The following SULF2 variants were observed in gnomAD, a reference collection of about 807,000 sequenced individuals.
The protein encoded by SULF2 is sulfatase 2.
A neutral mutation model predicts 107.7 loss-of-function variants in SULF2; 52 were observed. The ratio of observed to expected loss-of-function variants is 0.48; its 90% CI spans 0.39 to 0.61. The LOEUF (loss-of-function observed/expected upper bound fraction) is 0.61, where lower values mean the gene tolerates loss of function less well. SULF2 is among the 20% of genes least tolerant of loss of function. SULF2 has a pLI of 0.00. For missense variants in SULF2, 993 were observed against 1,177.3 expected, an observed-to-expected ratio of 0.84 and a Z score of 2.29; for synonymous variants, 460 against 464.3, an observed-to-expected ratio of 0.99 and a Z score of 0.12.
At chr20:47,670,687 GCGGGGTGGGAGAA>G (rs2087435908) in intron 11 of SULF2, among the ~76,000 whole-genome samples, 10 of 47,482 alleles carry the variant, frequency 2.1e-4, no homozygotes, top group Non-Finnish European at 2.8e-4. Flanking sequence ...GGGTGGGAGA[GCGGGGTGGGAGAA>G]CGGGGTGGGG....
intron 2 of SULF2, among the ~76,000 whole-genome samples, chr20:47,746,982 TAAAAA>T (rs61191776): frequency 0.016 from 1,926 of 121,122 alleles, 18 homozygotes; most frequent in South Asian, 0.024. Flanking sequence ...CTTAAATAAA[TAAAAA>T]AAAAAAAATA....
intron 3 of SULF2, among the ~76,000 whole-genome samples, chr20:47,716,373 C>T (rs533402173): frequency 6.6e-5 from 10 of 152,034 alleles, no homozygotes; most frequent in Non-Finnish European, 8.8e-5. Context: ...GGTGTGGTGG[C>T]GGGCGCCTGT....
intron 4 of SULF2, among the ~76,000 whole-genome samples, chr20:47,698,908 G>A (rs1568830172): frequency 6.6e-6 from 1 of 152,120 alleles, no homozygotes; most frequent in Non-Finnish European, 1.5e-5. Context: ...GTGCATGCCT[G>A]TAATCCCAGC....
At chr20:47,786,319 G>A (rs779638641), upstream of SULF2, 2 of 152,192 alleles carry the variant, frequency 1.3e-5, no homozygotes, top group African/African-American at 2.4e-5. Flanking sequence ...GGAGCCAAAT[G>A]TTCCGCGGGG....
intron 3 of SULF2, among the ~76,000 whole-genome samples, chr20:47,727,778 G>A (rs975610002): frequency 2.6e-5 from 4 of 152,192 alleles, no homozygotes; most frequent in East Asian, 1.9e-4. Context: ...AGAGACTGAC[G>A]CCCAGAGGGG....
intron 10 of SULF2, among the ~76,000 whole-genome samples, chr20:47,673,380 T>C (rs2087539127): frequency 1.3e-5 from 2 of 152,166 alleles, no homozygotes; most frequent in South Asian, 4.1e-4. Context: ...GGTGCTGTCA[T>C]TACTGTGCCG....
intron 11 of SULF2, among the ~76,000 whole-genome samples, chr20:47,667,143 C>A (rs1031278473): frequency 1.1e-4 from 17 of 152,066 alleles, no homozygotes; most frequent in Non-Finnish European, 1.5e-4. Context: ...CTGAACTTCA[C>A]CTCAATTAAA....
intron 1 of SULF2, among the ~76,000 whole-genome samples, chr20:47,768,217 G>T (rs1465596330): frequency 6.6e-6 from 1 of 151,690 alleles, no homozygotes; most frequent in African/African-American, 2.4e-5. Flanking sequence ...CCAACACACC[G>T]AACACAGCAG....
intron 2 of SULF2, among the ~76,000 whole-genome samples, chr20:47,739,062 G>A (rs2089814999): frequency 6.6e-6 from 1 of 152,160 alleles, no homozygotes; most frequent in Admixed American, 6.5e-5. Flanking sequence ...GGTCCCCAGG[G>A]CTGGAAGAGG....
chr20:47,750,531 A>G (rs2090137474), intron 2 of SULF2, among the ~76,000 whole-genome samples: 1 of 152,118 alleles, frequency 6.6e-6, no homozygotes, highest in African/African-American at 2.4e-5. Flanking sequence ...TCATGCGTGG[A>G]CTGTTGCAGT....
chr20:47,747,200 C>A (rs6094809), intron 2 of SULF2, among the ~76,000 whole-genome samples: 2 of 151,728 alleles, frequency 1.3e-5, no homozygotes, highest in African/African-American at 2.4e-5. Flanking sequence ...TGAACCATTC[C>A]TGACTCTTGG....
At position 47,736,887 on chromosome 20, in the gene SULF2, G is replaced by A; in HGVS notation, c.231C>T (p.His77=). The A allele has an allele frequency of 5.0e-6, 8 of 1,614,260 alleles. No individual in the cohort carries two copies. The highest frequency in any genetic ancestry group is 5.9e-6 in the Non-Finnish European group (7 of 1,180,034). ...GTGTGGTCACGAAGGCGTTGATGAA[G>A]TGCGCCCCGCCCTGCTCCATGATGC... ...TRRIMEQGGA[H]FINAFVTTPM... is the part of the protein sequence containing the mutation. The change falls in exon 3 of 21, where the codon CAC becomes CAT. Residue 77 remains histidine, a synonymous_variant. Transcript: ENST00000688720.
rs539195018 is a variant in SULF2 at position 47,663,001 on chromosome 20, T to TG, written c.2370+68dup. On this transcript the variant is annotated intron_variant, in intron 17 of 20. Transcript: ENST00000688720. ...CAATTTGTCATCACTTCCCTGAGGTTGGGGGGGGCCTACCTGGCAGCACTG... is the reference window on the plus strand; with the variant it reads ...CAATTTGTCATCACTTCCCTGAGGTTGGGGGGGGGCCTACCTGGCAGCACTG... The TG allele has an allele frequency of 5.7e-4, 888 of 1,559,104 alleles. 3 individuals carry two copies. The Middle Eastern group carries it at 0.013, about 22-fold the overall frequency.
rs769684895 is a variant in SULF2 at position 47,661,878 on chromosome 20, T to C, written c.2389A>G (p.Thr797Ala). The C allele has an allele frequency of 7.0e-6, 11 of 1,577,302 alleles. No homozygotes were observed. The East Asian group carries it at 2.5e-4, about 36-fold the overall frequency. ...DPYQLMNAVN[T>A]LDRDVLNQLH... ...TGGTTGAGGACATCCCTGTCCAGTGTGTTCACTGCATTCATCAGCTGGTTG... is the reference window on the plus strand; with the variant it reads ...TGGTTGAGGACATCCCTGTCCAGTGCGTTCACTGCATTCATCAGCTGGTTG... Residue 797 changes from threonine to alanine, a missense_variant, in exon 18 of 21, where the codon ACA (threonine) becomes GCA (alanine). Transcript: ENST00000688720.
chr20:47,759,029 C>T (rs570560807), intron 1 of SULF2, among the ~76,000 whole-genome samples: 31 of 152,322 alleles, frequency 2.0e-4, no homozygotes, highest in Admixed American at 1.5e-3. Context: ...CTGCCCCCAT[C>T]CTCCATTTTC....
At chr20:47,782,553 C>T (rs2090851304) in intron 1 of SULF2, among the ~76,000 whole-genome samples, 2 of 152,192 alleles carry the variant, frequency 1.3e-5, no homozygotes. Flanking sequence ...CCTGGCACCA[C>T]CCCCAGGGCC....
chr20:47,775,001 G>A (rs2090699249), intron 1 of SULF2, among the ~76,000 whole-genome samples: 1 of 152,140 alleles, frequency 6.6e-6, no homozygotes, highest in South Asian at 2.1e-4. Flanking sequence ...GTCCTTTCCT[G>A]AGCCCCCCAG....
chr20:47,676,552 C>A lies in SULF2; in HGVS notation c.1322G>T (p.Arg441Leu), dbSNP rs141076850. ...AGCACGCTGACACAGGTCCTTCACA[C>A]GCTGGTACTTGGGCAGAAAGTTCTC... is the stretch of plus-strand genomic sequence containing the variant. ...QEENFLPKYQ[R>L]VKDLCQRAEY... Residue 441 changes from arginine (R) to leucine (L), a missense_variant, in exon 10 of 21, where the codon CGT becomes CTT. Coordinates refer to ENST00000688720, the MANE Select transcript of SULF2 (RefSeq NM_001387048.1). 6 of 1,591,026 alleles carry A rather than the reference C, an allele frequency of 3.8e-6. No homozygotes were observed. The highest frequency in any genetic ancestry group is 2.6e-6 in the Non-Finnish European group (3 of 1,168,630).
In SULF2 at chr20:47,657,468, T is replaced by C. The variant is rs936494155; in HGVS notation, c.*894A>G. The stretch of plus-strand genomic sequence containing the variant: ...TTCATACCAACTGCTGGTCATTGGC[T>C]GGGGTTTTGAACACTGTATGACAAT... On this transcript the variant is annotated 3_prime_UTR_variant, in exon 21 of 21. Transcript: ENST00000688720. 2 of 152,214 alleles carry C rather than the reference T, an allele frequency of 1.3e-5. No individual in the cohort carries two copies. The highest frequency in any genetic ancestry group is 4.8e-5 in the African/African-American group (2 of 41,462). The allele number at this position is 152,214 out of a possible 1,614,324, so 9.4% of individuals were successfully genotyped here.
Sources: allele counts gnomAD v4.1 joint callset (sites outside exome capture counted in the v4.1 genomes callset), GRCh38; gene constraint gnomAD v4.1.1; transcripts MANE v1.5; gene names NCBI Gene and HGNC (gene_info 2026-07-23, HGNC 2026-07-21).